The following NALF1 variants were observed in gnomAD, a reference collection of about 807,000 sequenced individuals.
NALF1 encodes the protein NALCN channel auxiliary factor 1.
Under a neutral mutation model 48.4 loss-of-function variants are expected in NALF1, and 3 were observed. The observed-to-expected ratio is 0.06, with a 90% CI of 0.03 to 0.16. The LOEUF (loss-of-function observed/expected upper bound fraction) is 0.16. Ranked by LOEUF, NALF1 falls within the 10% of genes least tolerant of loss-of-function variation. The pLI is 1.00. For synonymous variants in NALF1, 262 were observed against 245.7 expected (o/e 1.07, Z -0.62); for missense variants, 526 against 571.5 (o/e 0.92, Z 0.81).
In NALF1 at chr13:107,412,419, G is replaced by T. The variant is rs1158182179; in HGVS notation, c.916-201664C>A. Among the ~76,000 whole-genome samples the T allele has an allele frequency of 5.9e-5, 9 of 152,036 alleles. No homozygotes were observed. In the East Asian group the frequency reaches 1.5e-3, roughly 26 times the overall value. On this transcript the variant is annotated intron_variant, in intron 1 of 2. Coordinates refer to ENST00000375915, the MANE Select transcript of NALF1 (RefSeq NM_001080396.3). ...GTTTTGGTGTCCACTAAAACCTTCA[G>T]GGCTCCAGGGCAGTGATTTCATAGA...
At chr13:107,443,963 C>T (rs1884607501) in intron 1 of NALF1, among the ~76,000 whole-genome samples, 1 of 152,164 alleles carries the variant, frequency 6.6e-6, no homozygotes, top group Admixed American at 6.5e-5. Context: ...ATATTAATCA[C>T]ACAAAATGAT....
chr13:107,806,396 C>T (rs1878790505), intron 1 of NALF1, among the ~76,000 whole-genome samples: 1 of 151,494 alleles, frequency 6.6e-6, no homozygotes, highest in Admixed American at 6.6e-5. Context: ...AAAAGAACCC[C>T]AGAAAAAAAA....
At chr13:107,422,949 C>T (rs1001264499) in intron 1 of NALF1, among the ~76,000 whole-genome samples, 1 of 152,088 alleles carries the variant, frequency 6.6e-6, no homozygotes, top group Non-Finnish European at 1.5e-5. Context: ...GAATGCTTTC[C>T]TAGAGCGTCC....
intron 1 of NALF1, among the ~76,000 whole-genome samples, chr13:107,856,754 G>T (rs1880449099): frequency 6.6e-6 from 1 of 152,076 alleles, no homozygotes. Flanking sequence ...TATGCCAAAG[G>T]ATGTTGGATG....
chr13:107,849,390 T>C (rs1257327288), intron 1 of NALF1, among the ~76,000 whole-genome samples: 2 of 152,146 alleles, frequency 1.3e-5, no homozygotes, highest in African/African-American at 2.4e-5. Context: ...TTGTAAGACT[T>C]TGGGAAGATT....
intron 1 of NALF1, among the ~76,000 whole-genome samples, chr13:107,759,138 C>T (rs1315758740): frequency 2.0e-5 from 3 of 152,176 alleles, no homozygotes; most frequent in African/African-American, 7.2e-5. Context: ...AGGAGAAATA[C>T]CACCCACTGT....
intron 1 of NALF1, among the ~76,000 whole-genome samples, chr13:107,809,509 T>G (rs1282768625): frequency 1.3e-5 from 2 of 152,114 alleles, no homozygotes; most frequent in Non-Finnish European, 2.9e-5. Context: ...AAAAGCCCTT[T>G]TCTCCTCCCT....
At chr13:107,193,544 G>C (rs1879325314) in intron 2 of NALF1, among the ~76,000 whole-genome samples, 1 of 152,106 alleles carries the variant, frequency 6.6e-6, no homozygotes, top group Non-Finnish European at 1.5e-5. Context: ...TCTGGGAAAA[G>C]CACCCAGATG....
intron 1 of NALF1, among the ~76,000 whole-genome samples, chr13:107,794,779 ATTATTT>A (rs1214584227): frequency 1.3e-5 from 2 of 152,108 alleles, no homozygotes; most frequent in Non-Finnish European, 2.9e-5. Flanking sequence ...GCACTGAATA[ATTATTT>A]TTATCTGTCC....
intron 1 of NALF1, among the ~76,000 whole-genome samples, chr13:107,855,205 G>A (rs978651292): frequency 1.3e-5 from 2 of 152,106 alleles, no homozygotes; most frequent in South Asian, 2.1e-4. Context: ...AGGAACTGGT[G>A]AAAGCACCCT....
chr13:107,647,637 C>T (rs1402880950), intron 1 of NALF1, among the ~76,000 whole-genome samples: 3 of 151,904 alleles, frequency 2.0e-5, no homozygotes, highest in East Asian at 1.9e-4. Flanking sequence ...TAATGTCCTC[C>T]GGTGACAACT....
chr13:107,434,111 C>G (rs189884325), intron 1 of NALF1, among the ~76,000 whole-genome samples: 3 of 152,256 alleles, frequency 2.0e-5, no homozygotes, highest in Admixed American at 2.0e-4. Flanking sequence ...AAGGGCATAG[C>G]CAATTTGAGA....
chr13:107,438,846 AAAAAAGAAT>A (rs1487129621), intron 1 of NALF1, among the ~76,000 whole-genome samples: 18 of 148,052 alleles, frequency 1.2e-4, no homozygotes, highest in Admixed American at 1.3e-4. Flanking sequence ...AAAAAAAAAA[AAAAAAGAAT>A]AATATAAAGG....
intron 1 of NALF1, among the ~76,000 whole-genome samples, chr13:107,516,899 ATCT>A (rs1156728947): frequency 1.3e-5 from 2 of 152,230 alleles, no homozygotes; most frequent in African/African-American, 4.8e-5. Flanking sequence ...CAGACTTCAA[ATCT>A]TCTAAATATC....
At chr13:107,561,975 T>C (rs1408513955) in intron 1 of NALF1, among the ~76,000 whole-genome samples, 2 of 152,252 alleles carry the variant, frequency 1.3e-5, no homozygotes, top group Non-Finnish European at 2.9e-5. Context: ...CAAGATAATA[T>C]GCAAAATGGA....
At chr13:107,622,241 C>T (rs1879538825) in intron 1 of NALF1, among the ~76,000 whole-genome samples, 1 of 151,876 alleles carries the variant, frequency 6.6e-6, no homozygotes, top group Admixed American at 6.6e-5. Context: ...CCAGCCTGAA[C>T]AACATGGAGA....
intron 1 of NALF1, among the ~76,000 whole-genome samples, chr13:107,483,081 C>T (rs1205473312): frequency 1.3e-5 from 2 of 152,104 alleles, no homozygotes; most frequent in Non-Finnish European, 2.9e-5. Context: ...TCCCAAATAC[C>T]TTGTGAGCTC....
chr13:107,660,439 ACACACAC>A (rs1880699800), intron 1 of NALF1, among the ~76,000 whole-genome samples: 1 of 5,094 alleles, frequency 2.0e-4, no homozygotes, highest in Admixed American at 3.8e-3. Flanking sequence ...TCTCAAAAAC[ACACACAC>A]ACACACACAC....
At chr13:107,809,403 G>A (rs1347852631) in intron 1 of NALF1, among the ~76,000 whole-genome samples, 1 of 151,988 alleles carries the variant, frequency 6.6e-6, no homozygotes, top group Non-Finnish European at 1.5e-5. Flanking sequence ...AGCAGTTACT[G>A]TAAAGACTCT....
Sources: gnomAD v4.1 joint callset for allele counts (sites outside exome capture counted in the v4.1 genomes callset) on GRCh38, gnomAD v4.1.1 for gene constraint, MANE v1.5 for transcripts, NCBI Gene and HGNC (gene_info 2026-07-23, HGNC 2026-07-21) for gene names.